GPHN: variants seen among roughly 807,000 people sequenced by gnomAD.
GPHN encodes gephyrin.
GPHN carries 17 observed loss-of-function variants against 95.5 expected under a neutral mutation model. The observed-to-expected ratio is 0.18, with a 90% confidence interval of 0.12 to 0.27. GPHN has a LOEUF of 0.27. Among genes scored for constraint, GPHN ranks in the 10% least tolerant of loss-of-function variants. GPHN has a pLI of 1.00. For missense variants in GPHN, 660 were observed against 978.1 expected, an observed-to-expected ratio of 0.67 and a Z score of 4.34; for synonymous variants, 320 against 322.5, an observed-to-expected ratio of 0.99 and a Z score of 0.08.
At chr14:67,039,761 C>T (rs576181032) in intron 10 of GPHN, among the ~76,000 whole-genome samples, 1 of 152,284 alleles carries the variant, frequency 6.6e-6, no homozygotes, top group African/African-American at 2.4e-5. Context: ...CCACTGCATT[C>T]CAGCCTGGGC....
chr14:67,688,610 T>C, the GPHN span, among the ~76,000 whole-genome samples: 1 of 151,702 alleles, frequency 6.6e-6, no homozygotes, highest in African/African-American at 2.4e-5. Context: ...TTTTTTTTTT[T>C]TTTTGGTAGA....
chr14:67,650,662 ACT>A, the GPHN span: 2 of 1,538,294 alleles, frequency 1.3e-6, no homozygotes, highest in Non-Finnish European at 1.8e-6. Flanking sequence ...GATGACCCTC[ACT>A]GAGAGTAGCA....
chr14:66,850,508 T>G (rs2062535409), intron 4 of GPHN, among the ~76,000 whole-genome samples: 1 of 152,134 alleles, frequency 6.6e-6, no homozygotes, highest in African/African-American at 2.4e-5. Flanking sequence ...ACATGTAGTT[T>G]GTATTTTTAC....
chr14:66,792,097 G>A (rs1479086548), intron 3 of GPHN, among the ~76,000 whole-genome samples: 2 of 152,090 alleles, frequency 1.3e-5, no homozygotes, highest in African/African-American at 2.4e-5. Context: ...TCTCCACCTG[G>A]CGCTGCCCAT....
At chr14:67,400,862 C>T in the GPHN span, among the ~76,000 whole-genome samples, 1 of 151,926 alleles carries the variant, frequency 6.6e-6, no homozygotes, top group Non-Finnish European at 1.5e-5. Context: ...TGGTGGCACA[C>T]ATCTGCAGTC....
At chr14:67,021,224 T>TAC (rs1004668919) in intron 9 of GPHN, among the ~76,000 whole-genome samples, 6 of 152,106 alleles carry the variant, frequency 3.9e-5, no homozygotes, top group South Asian at 2.1e-4. Flanking sequence ...GATTGATTTA[T>TAC]ACACACACAC....
At chr14:67,140,516 C>T (rs945559566) in intron 17 of GPHN, among the ~76,000 whole-genome samples, 1 of 152,140 alleles carries the variant, frequency 6.6e-6, no homozygotes, top group Non-Finnish European at 1.5e-5. Flanking sequence ...GCTTTGTTTA[C>T]AGTAGCTTTA....
chr14:67,279,395 A>G, the GPHN span: 1 of 1,613,948 alleles, frequency 6.2e-7, no homozygotes, highest in Non-Finnish European at 8.5e-7. Context: ...AAGAAGGGAA[A>G]AAGCAAGAAC....
At chr14:67,633,830 C>T in the GPHN span, among the ~76,000 whole-genome samples, 6 of 152,248 alleles carry the variant, frequency 3.9e-5, no homozygotes, top group African/African-American at 1.4e-4. Flanking sequence ...CCTCAGTAAG[C>T]ATTTCTTCCT....
chr14:67,653,355 G>A, the GPHN span: 17 of 1,228,088 alleles, frequency 1.4e-5, no homozygotes, highest in Non-Finnish European at 2.0e-5. Context: ...GCTTTATGAG[G>A]ACCTTTGTAA....
intron 1 of GPHN, among the ~76,000 whole-genome samples, chr14:66,527,695 T>C (rs1235151342): frequency 6.6e-6 from 1 of 152,176 alleles, no homozygotes; most frequent in Non-Finnish European, 1.5e-5. Context: ...TCAAGGAACT[T>C]ATTTATTTCT....
intron 1 of GPHN, among the ~76,000 whole-genome samples, chr14:66,519,921 CAA>C (rs2058406181): frequency 6.6e-6 from 1 of 152,076 alleles, no homozygotes; most frequent in Non-Finnish European, 1.5e-5. Context: ...GTAACTTGCT[CAA>C]GTTAGTGCAG....
chr14:67,109,616 A>G (rs1448969766), intron 13 of GPHN, among the ~76,000 whole-genome samples: 2 of 152,254 alleles, frequency 1.3e-5, no homozygotes, highest in Non-Finnish European at 2.9e-5. Flanking sequence ...TAGGTGAGCT[A>G]ATGTGTTTTA....
At chr14:67,631,963 C>T in the GPHN span, among the ~76,000 whole-genome samples, 1 of 152,202 alleles carries the variant, frequency 6.6e-6, no homozygotes, top group Non-Finnish European at 1.5e-5. Flanking sequence ...CAACCTCTAC[C>T]TCATGGGCTC....
intron 17 of GPHN, among the ~76,000 whole-genome samples, chr14:67,125,934 A>G (rs907813840): frequency 2.0e-5 from 3 of 152,212 alleles, no homozygotes; most frequent in Non-Finnish European, 2.9e-5. Flanking sequence ...ATCACCTGCC[A>G]TAATTTTGAC....
chr14:67,490,348 G>A, the GPHN span, among the ~76,000 whole-genome samples: 261 of 152,308 alleles, frequency 1.7e-3, 3 homozygotes, highest in African/African-American at 5.9e-3. Context: ...GCCTGGGTTT[G>A]CACAATACAG....
intron 9 of GPHN, among the ~76,000 whole-genome samples, chr14:66,989,639 T>A (rs2071267311): frequency 6.9e-6 from 1 of 144,050 alleles, no homozygotes; most frequent in South Asian, 2.2e-4. Flanking sequence ...AAGGATCCTG[T>A]TAACTGTCCA....
the GPHN span, among the ~76,000 whole-genome samples, chr14:67,506,867 C>A: frequency 6.6e-6 from 1 of 152,088 alleles, no homozygotes; most frequent in African/African-American, 2.4e-5. Flanking sequence ...ACCTGTAGTC[C>A]CAGCTACTCA....
chr14:66,906,621 T>G (rs2065392730), intron 5 of GPHN, among the ~76,000 whole-genome samples: 1 of 152,204 alleles, frequency 6.6e-6, no homozygotes, highest in African/African-American at 2.4e-5. Flanking sequence ...ATATTCTCTG[T>G]GCTGTTCATT....
Sources: gnomAD v4.1 joint callset for allele counts (sites outside exome capture counted in the v4.1 genomes callset) on GRCh38, gnomAD v4.1.1 for gene constraint, MANE v1.5 for transcripts, NCBI Gene and HGNC (gene_info 2026-07-23, HGNC 2026-07-21) for gene names.